SOX5: variants seen among roughly 807,000 people sequenced by gnomAD.
SOX5 encodes the protein SRY-box transcription factor 5.
In SOX5, 9 loss-of-function variants were observed where a neutral mutation model predicts 92.0. That is an observed-to-expected ratio of 0.10 (90% CI 0.06 to 0.17). The LOEUF is 0.17. Ranked by LOEUF, SOX5 falls within the 10% of genes least tolerant of loss-of-function variation. The pLI, the probability that SOX5 is intolerant of heterozygous loss-of-function variation, is 1.00. For synonymous variants in SOX5, 344 were observed against 336.3 expected (o/e 1.02, Z -0.25); for missense variants, 642 against 944.5 (o/e 0.68, Z 4.20).
chr12:24,412,974 C>T (rs949123805), intron 1 of SOX5, among the ~76,000 whole-genome samples: 2 of 152,158 alleles, frequency 1.3e-5, no homozygotes, highest in South Asian at 2.1e-4. Context: ...CCAGGATGGT[C>T]TCGATCTCCT....
At chr12:23,580,707 G>T (rs1949920522) in intron 9 of SOX5, among the ~76,000 whole-genome samples, 1 of 151,942 alleles carries the variant, frequency 6.6e-6, no homozygotes, top group African/African-American at 2.4e-5. Flanking sequence ...TAAACATATA[G>T]GTCTGGGATG....
chr12:24,362,975 A>G (rs887548926), intron 2 of SOX5, among the ~76,000 whole-genome samples: 2 of 152,108 alleles, frequency 1.3e-5, no homozygotes, highest in Non-Finnish European at 1.5e-5. Context: ...CAATTCCTCA[A>G]ATTCATCATT....
At chr12:24,510,331 C>T (rs187640115) in intron 1 of SOX5, among the ~76,000 whole-genome samples, 16 of 152,314 alleles carry the variant, frequency 1.1e-4, no homozygotes, top group African/African-American at 3.1e-4. Flanking sequence ...TACACATCAA[C>T]CAACAAGAAT....
chr12:23,711,952 C>T (rs926847011), intron 6 of SOX5, among the ~76,000 whole-genome samples: 1 of 152,136 alleles, frequency 6.6e-6, no homozygotes, highest in Non-Finnish European at 1.5e-5. Flanking sequence ...TTTCTAATGA[C>T]TATAACAAAC....
At chr12:23,774,386 A>C (rs970180873) in intron 3 of SOX5, among the ~76,000 whole-genome samples, 1 of 152,200 alleles carries the variant, frequency 6.6e-6, no homozygotes, top group African/African-American at 2.4e-5. Flanking sequence ...ACTAGCCAGA[A>C]TATTTATCTA....
intron 3 of SOX5, among the ~76,000 whole-genome samples, chr12:23,800,743 T>C (rs923527270): frequency 6.6e-6 from 1 of 152,112 alleles, no homozygotes; most frequent in Non-Finnish European, 1.5e-5. Context: ...ATGTTTACAA[T>C]AGTAACAGGT....
At chr12:24,457,755 C>T (rs917691791) in intron 1 of SOX5, among the ~76,000 whole-genome samples, 6 of 152,118 alleles carry the variant, frequency 3.9e-5, no homozygotes, top group Non-Finnish European at 8.8e-5. Context: ...GAGCTGTCTC[C>T]ATTCTTGCAT....
At position 24,551,609 on chromosome 12, in the gene SOX5, C is replaced by T. The variant is rs115900591; in HGVS notation, c.-251+10720G>A. Among the ~76,000 whole-genome samples, 621 of 152,252 alleles carry T rather than the reference C, an allele frequency of 4.1e-3. 4 individuals are homozygous for T. The highest frequency in any genetic ancestry group is 0.017 in the Middle Eastern group (5 of 294). ...ACAGATCACACGGAGAACAAATAGA[C>T]AAGGTCCCTATCCTCATGCGGTAAC... On this transcript the variant is annotated intron_variant, in intron 1 of 4. Transcript: ENST00000446891.
At chr12:24,344,051 G>A (rs548178724) in intron 2 of SOX5, among the ~76,000 whole-genome samples, 2 of 152,084 alleles carry the variant, frequency 1.3e-5, no homozygotes, top group South Asian at 2.1e-4. Context: ...TTGGGAGGCC[G>A]AGGTGGGCGA....
intron 2 of SOX5, among the ~76,000 whole-genome samples, chr12:23,865,432 T>C (rs545893778): frequency 2.8e-4 from 43 of 152,264 alleles, no homozygotes; most frequent in African/African-American, 9.9e-4. Context: ...TCACAGCACT[T>C]TGGGAGGCTG....
chr12:23,710,388 C>T (rs1040232228), intron 6 of SOX5, among the ~76,000 whole-genome samples: 2 of 152,106 alleles, frequency 1.3e-5, no homozygotes, highest in African/African-American at 2.4e-5. Context: ...TTTCCCTCCC[C>T]GCTTCCCCTA....
chr12:23,762,772 TAGA>T (rs1212384394), intron 3 of SOX5, among the ~76,000 whole-genome samples: 2 of 152,152 alleles, frequency 1.3e-5, no homozygotes, highest in African/African-American at 4.8e-5. Context: ...TATCACATTT[TAGA>T]AGAATATCTT....
chr12:24,054,035 T>G (rs905793897), intron 4 of SOX5, among the ~76,000 whole-genome samples: 2 of 152,196 alleles, frequency 1.3e-5, no homozygotes, highest in African/African-American at 4.8e-5. Flanking sequence ...ACAAAATCAC[T>G]GTCATTGTGC....
intron 3 of SOX5, among the ~76,000 whole-genome samples, chr12:24,226,611 C>T (rs1251035314): frequency 6.6e-6 from 1 of 152,048 alleles, no homozygotes; most frequent in Non-Finnish European, 1.5e-5. Flanking sequence ...ACTGGGATTA[C>T]ACGCACCCGC....
At chr12:23,950,935 C>A, upstream of SOX5, 2 of 1,458,856 alleles carry the variant, frequency 1.4e-6, no homozygotes, top group East Asian at 2.5e-5. Context: ...AGTAAGCACA[C>A]ACTTACCAAC....
chr12:23,798,474 A>C (rs577135205), intron 3 of SOX5, among the ~76,000 whole-genome samples: 1 of 151,970 alleles, frequency 6.6e-6, no homozygotes, highest in Non-Finnish European at 1.5e-5. Context: ...CTCACTGCAT[A>C]TAACTTTATA....
rs2094729188 is a variant in SOX5, at chr12:23,766,431, TA to T, written c.482-10708del. Among the ~76,000 whole-genome samples, 7 of 152,272 alleles carry T rather than the reference TA, an allele frequency of 4.6e-5. No individual in the cohort carries two copies. In the South Asian group the frequency reaches 1.5e-3, roughly 32 times the overall value. On this transcript the variant is annotated intron_variant, in intron 3 of 14. Transcript: ENST00000451604. ...AGGTCAAAATCATAGGAGGCTTTCT[TA>T]AAATGCAAAATTCCAGGGCAATCAG...
chr12:23,632,258 C>G (rs1202681541), intron 8 of SOX5: 1 of 152,128 alleles, frequency 6.6e-6, no homozygotes, highest in Admixed American at 6.6e-5. Context: ...TGCAAGAAAA[C>G]TCACTCATGC....
chr12:24,154,706 A>T (rs1951994466), intron 4 of SOX5, among the ~76,000 whole-genome samples: 1 of 152,198 alleles, frequency 6.6e-6, no homozygotes, highest in Non-Finnish European at 1.5e-5. Flanking sequence ...CATATAAAAA[A>T]CCAAATACTT....
Sources: allele counts gnomAD v4.1 joint callset (sites outside exome capture counted in the v4.1 genomes callset), GRCh38; gene constraint gnomAD v4.1.1; transcripts MANE v1.5; gene names NCBI Gene and HGNC (gene_info 2026-07-23, HGNC 2026-07-21).